SLC6A17: variants seen among roughly 807,000 people sequenced by gnomAD.
SLC6A17 encodes the protein solute carrier family 6 member 17.
SLC6A17 carries 21 observed loss-of-function variants against 64.5 expected under a neutral mutation model. The ratio of observed to expected loss-of-function variants is 0.33; its 90% CI spans 0.23 to 0.47. The LOEUF is 0.47. SLC6A17 is among the 20% of genes least tolerant of loss of function. The pLI is 1.00. For synonymous variants in SLC6A17, 372 were observed against 399.5 expected (o/e 0.93, Z 0.82); for missense variants, 682 against 963.2 (o/e 0.71, Z 3.86).
intron 1 of SLC6A17, among the ~76,000 whole-genome samples, chr1:110,159,150 G>A (rs956837838): frequency 3.3e-5 from 5 of 152,162 alleles, no homozygotes; most frequent in African/African-American, 9.7e-5. Context: ...TGGGACTCAA[G>A]AATTATGGCC....
chr1:110,172,012 G>A, intron 2 of SLC6A17, 48 bp from the exon 3 acceptor site: 1 of 1,602,336 alleles, frequency 6.2e-7, no homozygotes, highest in South Asian at 1.1e-5. Context: ...CCCTCACTCT[G>A]CTGCTGTGCT....
At chr1:110,155,553 GGGAGTGAGGCACATATAGAGCAGA>G (rs1352672926) in intron 1 of SLC6A17, among the ~76,000 whole-genome samples, 8 of 152,190 alleles carry the variant, frequency 5.3e-5, no homozygotes, top group Non-Finnish European at 1.2e-4. Flanking sequence ...CTTGTGGAGT[GGGAGTGAGGCACATATAGAGCAGA>G]GGAGTGAGTA....
chr1:110,181,687 C>T (rs1298394440), intron 6 of SLC6A17, among the ~76,000 whole-genome samples: 2 of 152,230 alleles, frequency 1.3e-5, no homozygotes, highest in African/African-American at 4.8e-5. Context: ...TCAAGGAACG[C>T]CTTGCTGAGA....
intron 6 of SLC6A17, among the ~76,000 whole-genome samples, chr1:110,184,494 T>C (rs1001267141): frequency 6.6e-6 from 1 of 152,206 alleles, no homozygotes; most frequent in African/African-American, 2.4e-5. Context: ...TTAAACCTCC[T>C]AACAACCCTG....
intron 6 of SLC6A17, among the ~76,000 whole-genome samples, chr1:110,188,127 G>A (rs1202920479): frequency 2.0e-5 from 3 of 152,188 alleles, no homozygotes; most frequent in Non-Finnish European, 4.4e-5. Context: ...TGATTACAGG[G>A]TGCTGCCCCA....
At position 110,174,213 on chromosome 1, in the gene SLC6A17, AC is replaced by A. The variant is rs371530590; in HGVS notation, c.571+115del. 1.3e-3 allele frequency: 1,827 copies of A among 1,401,194 alleles called. 40 individuals are homozygous for A. The South Asian group carries it at 0.025, about 19-fold the overall frequency. 86.8% of individuals were successfully genotyped at this position (1,401,194 alleles called of 1,614,324 possible). The stretch of plus-strand genomic sequence containing the variant: ...CTTGTTGTGTCCCCTTGGATAAGTC[AC>A]TTAACATCTCTGATCCTCATTTCCC... On this transcript the variant is annotated intron_variant, in intron 4 of 11. Transcript: ENST00000331565.
chr1:110,194,581 C>T lies in SLC6A17; in HGVS notation c.1302C>T (p.Ser434=), dbSNP rs1185341342. ...CCTGCTTTCCACCCCACCTTCAGTC[C>T]GTGCAGGGCACAGGCCTGGCCTTCA... The part of the protein sequence containing the change: ...PCLLEDELDK[S]VQGTGLAFIA... Residue 434 remains serine (S), a splice_region_variant and synonymous_variant, in exon 9 of 12, where the codon TCC becomes TCT. Transcript: ENST00000331565. The T allele has an allele frequency of 8.1e-6, 13 of 1,613,270 alleles. No individual in the cohort carries two copies. Among genetic ancestry groups the T allele is most frequent in the Middle Eastern group, 1.6e-4 (1 of 6,066 alleles).
intron 9 of SLC6A17, 93 bp downstream of exon 9, chr1:110,194,864 C>T (rs774378042): frequency 6.8e-7 from 1 of 1,476,182 alleles, no homozygotes. Context: ...TTCATGACCC[C>T]ACACCCAGAA....
chr1:110,183,760 C>T (rs1021485810), intron 6 of SLC6A17, among the ~76,000 whole-genome samples: 18 of 152,180 alleles, frequency 1.2e-4, no homozygotes, highest in African/African-American at 3.9e-4. Flanking sequence ...GGCGCATGGA[C>T]GCTGGCAGGT....
At chr1:110,188,552 C>T (rs1174903842) in intron 6 of SLC6A17, among the ~76,000 whole-genome samples, 4 of 152,142 alleles carry the variant, frequency 2.6e-5, no homozygotes, top group Admixed American at 2.0e-4. Flanking sequence ...AGACAGAAAC[C>T]GACCATAAAA....
intron 6 of SLC6A17, among the ~76,000 whole-genome samples, chr1:110,184,884 GAGA>G (rs1226233399): frequency 6.6e-6 from 1 of 152,200 alleles, no homozygotes; most frequent in African/African-American, 2.4e-5. Context: ...GGTACATCTG[GAGA>G]AGAAGAACCA....
At chr1:110,169,712 C>T (rs998444928) in intron 2 of SLC6A17, among the ~76,000 whole-genome samples, 2 of 152,306 alleles carry the variant, frequency 1.3e-5, no homozygotes, top group East Asian at 1.9e-4. Context: ...CAGTGCTCCC[C>T]GCTATTCGGA....
chr1:110,185,615 G>A (rs996468939), intron 6 of SLC6A17, among the ~76,000 whole-genome samples: 1 of 152,230 alleles, frequency 6.6e-6, no homozygotes, highest in Admixed American at 6.5e-5. Context: ...ACACCCCGAG[G>A]AGGGGGCGAG....
rs1656867588 is a variant in SLC6A17, at chr1:110,192,807, T to A, written c.1299+109T>A. On this transcript the variant is annotated intron_variant, in intron 8 of 11. Transcript: ENST00000331565. The surrounding 1 kb of genome is among the most constrained non-coding windows in gnomAD (Gnocchi z 4.3). ...GGATGCTGACAGGTAGTCATTAGTT[T>A]ACTTGGTAAGCAAGGATCTGCTGTG... 1.6e-6 allele frequency: 2 copies of A among 1,235,724 alleles called. No individual in the cohort carries two copies. Among genetic ancestry groups the A allele is most frequent in the Non-Finnish European group, 2.2e-6 (2 of 903,106 alleles). The allele number at this position is 1,235,724 out of a possible 1,614,324, so 76.5% of individuals were successfully genotyped here. A position where few individuals can be genotyped will look rare whatever the true frequency, so the allele number is the denominator to read the frequency against.
Position 110,192,188 on chromosome 1 carries a change from A to T in SLC6A17, c.1081A>T (p.Ile361Phe), listed in dbSNP as rs758822378. ...TGCTGTGCTGGGCTTCAAGGCCAAC[A>T]TCATGAATGAGAAGTGTGTGGTCGA... ...VFAVLGFKANIMNEKCVVENA... is the reference protein window; with the variant it reads ...VFAVLGFKANFMNEKCVVENA... Residue 361 changes from isoleucine (I) to phenylalanine (F), a missense_variant, in exon 7 of 12, where the codon ATC becomes TTC. By Grantham distance (21) the Ile-to-Phe change is conservative. Around this residue, in one of 3 missense-constraint regions of SLC6A17, gnomAD observed 415 missense variants for 603.8 expected, o/e 0.69. Coordinates refer to ENST00000331565, the MANE Select transcript of SLC6A17 (RefSeq NM_001010898.4). The surrounding 1 kb of genome is among the most constrained non-coding windows in gnomAD (Gnocchi z 4.3). 3.1e-6 allele frequency: 5 copies of T among 1,613,416 alleles called. No homozygotes were observed. The highest frequency in any genetic ancestry group is 1.7e-5 in the Admixed American group (1 of 60,002).
intron 6 of SLC6A17, among the ~76,000 whole-genome samples, chr1:110,186,578 C>T (rs762263811): frequency 6.6e-6 from 1 of 152,108 alleles, no homozygotes; most frequent in Non-Finnish European, 1.5e-5. Context: ...GCATCTTAGC[C>T]CAAAAGGCTG....
intron 6 of SLC6A17, among the ~76,000 whole-genome samples, chr1:110,177,404 G>C (rs964488426): frequency 1.3e-5 from 2 of 152,206 alleles, no homozygotes; most frequent in African/African-American, 4.8e-5. Flanking sequence ...AGAGGCACGG[G>C]CATCCTGAAG....
At chr1:110,177,372 C>T (rs768671320) in intron 6 of SLC6A17, among the ~76,000 whole-genome samples, 1 of 152,144 alleles carries the variant, frequency 6.6e-6, no homozygotes, top group South Asian at 2.1e-4. Context: ...GATCACTGTT[C>T]ACATTTCACA....
Position 110,173,991 on chromosome 1 carries a change from C to T in SLC6A17, c.463C>T (p.Leu155=). The T allele has an allele frequency of 6.2e-7, 1 of 1,613,812 alleles. No homozygotes were observed. Among genetic ancestry groups the T allele is most frequent in the Non-Finnish European group, 8.5e-7 (1 of 1,179,882 alleles). The change falls in exon 4 of 12, where the codon CTG becomes TTG. Residue 155 remains leucine, a synonymous_variant. Coordinates refer to ENST00000331565, the MANE Select transcript of SLC6A17 (RefSeq NM_001010898.4). ...TCCCCAGGTCTGTCTCTTTGTGGGGCTGTATTATAATGTGATCATCGGGTG... is the reference window on the plus strand; with the variant it reads ...TCCCCAGGTCTGTCTCTTTGTGGGGTTGTATTATAATGTGATCATCGGGTG... ...SSCIVCLFVG[L]YYNVIIGWSI...
Sources: gnomAD v4.1 joint callset for allele counts (sites outside exome capture counted in the v4.1 genomes callset) on GRCh38, gnomAD v4.1.1 for gene constraint, gnomAD v4.1.1 regional missense constraint, Gnocchi (gnomAD v3.1) non-coding constraint, MANE v1.5 for transcripts, NCBI Gene and HGNC (gene_info 2026-07-23, HGNC 2026-07-21) for gene names.